CLCN5: variants seen among roughly 807,000 people sequenced by gnomAD.
The protein encoded by CLCN5 is Cl-/H+ antiporter 5, also known as H(+)/Cl(-) exchange transporter 5.
A neutral mutation model predicts 54.0 loss-of-function variants in CLCN5; 17 were observed. The ratio of observed to expected loss-of-function variants is 0.31; its 90% CI spans 0.22 to 0.47. The LOEUF is 0.47. Among genes scored for constraint, CLCN5 ranks in the 20% least tolerant of loss-of-function variants. The probability of loss-of-function intolerance (pLI) is 1.00; values close to 1 mark genes in which losing one functional copy is unlikely to be tolerated. For synonymous variants in CLCN5, 222 were observed against 233.0 expected (o/e 0.95, Z 0.43); for missense variants, 448 against 646.7 (o/e 0.69, Z 3.33).
intron 3 of CLCN5, among the ~76,000 whole-genome samples, chrX:50,030,161 A>G (rs1401248351): frequency 4.5e-5 from 5 of 112,288 alleles, no homozygotes; most frequent in African/African-American, 9.7e-5. Flanking sequence ...CTTTAGATTA[A>G]TATATAGATG....
At chrX:49,971,510 G>T (rs183327193) in intron 3 of CLCN5, among the ~76,000 whole-genome samples, 1 of 110,231 alleles carries the variant, frequency 9.1e-6, no homozygotes, top group Admixed American at 9.9e-5. Context: ...TTCAGAGACG[G>T]TCTTTAATCA....
chrX:50,060,738 T>C (rs1458270211), intron 4 of CLCN5, among the ~76,000 whole-genome samples: 1 of 111,393 alleles, frequency 9.0e-6, no homozygotes. Context: ...CAGTAACCTC[T>C]GCAGACTTAA....
At chrX:49,932,624 T>A (rs1925720149) in intron 3 of CLCN5, among the ~76,000 whole-genome samples, 1 of 111,043 alleles carries the variant, frequency 9.0e-6, no homozygotes, top group South Asian at 3.8e-4. Context: ...TTAGAACAGG[T>A]TTTTTGCTAT....
chrX:49,998,905 C>G (rs955555726), intron 3 of CLCN5, among the ~76,000 whole-genome samples: 30 of 111,580 alleles, frequency 2.7e-4, no homozygotes, highest in Admixed American at 9.5e-5. Context: ...TGTTCACCCT[C>G]CCATTTGCCT....
At chrX:50,027,332 C>T (rs1261947348) in intron 3 of CLCN5, among the ~76,000 whole-genome samples, 4 of 111,645 alleles carry the variant, frequency 3.6e-5, no homozygotes, top group Non-Finnish European at 7.5e-5. Flanking sequence ...GTATTTCTTT[C>T]TTCTCCTTCT....
At chrX:50,002,393 A>G (rs782629432) in intron 3 of CLCN5, among the ~76,000 whole-genome samples, 16 of 112,040 alleles carry the variant, frequency 1.4e-4, no homozygotes, top group South Asian at 3.8e-4. Flanking sequence ...TCCCAATTGC[A>G]TATGCCAAGG....
At chrX:49,944,784 T>A (rs375836176) in intron 3 of CLCN5, among the ~76,000 whole-genome samples, 3 of 111,809 alleles carry the variant, frequency 2.7e-5, no homozygotes, top group Non-Finnish European at 5.6e-5. Flanking sequence ...AGCTTTTTGA[T>A]GTGCTGCTGG....
chrX:50,065,876 AT>A (rs1473454863), intron 4 of CLCN5, among the ~76,000 whole-genome samples: 3 of 100,658 alleles, frequency 3.0e-5, no homozygotes, highest in African/African-American at 1.1e-4. Context: ...CATGGATGAA[AT>A]TGGAAACCAT....
intron 3 of CLCN5, among the ~76,000 whole-genome samples, chrX:50,019,351 C>T (rs1930950239): frequency 9.2e-6 from 1 of 108,767 alleles, no homozygotes; most frequent in African/African-American, 3.3e-5. Context: ...TTGTGGGGTA[C>T]ACAGTGACAT....
intron 3 of CLCN5, among the ~76,000 whole-genome samples, chrX:50,019,540 A>T (rs1930983942): frequency 5.3e-5 from 3 of 56,559 alleles, no homozygotes; most frequent in Non-Finnish European, 9.2e-5. Context: ...GGTTAGTTAC[A>T]TATGTATACA....
intron 4 of CLCN5, among the ~76,000 whole-genome samples, chrX:50,057,035 G>T (rs1557189051): frequency 9.0e-6 from 1 of 111,245 alleles, no homozygotes; most frequent in African/African-American, 3.3e-5. Flanking sequence ...CTGTGAACAG[G>T]AACCAAAGCA....
At chrX:50,048,396 A>G (rs781963877) in intron 4 of CLCN5, among the ~76,000 whole-genome samples, 1 of 112,873 alleles carries the variant, frequency 8.9e-6, no homozygotes, top group South Asian at 3.7e-4. Context: ...CACACGTAGG[A>G]CTAGGAAGTT....
intron 3 of CLCN5, among the ~76,000 whole-genome samples, chrX:50,012,509 G>A (rs1930557299): frequency 1.8e-5 from 2 of 112,264 alleles, no homozygotes; most frequent in Non-Finnish European, 3.8e-5. Flanking sequence ...GAAGATGCTC[G>A]AGCCTTCTAT....
At chrX:50,066,018 G>C (rs1445525852) in intron 4 of CLCN5, among the ~76,000 whole-genome samples, 2 of 87,904 alleles carry the variant, frequency 2.3e-5, no homozygotes, top group African/African-American at 8.7e-5. Context: ...GTGGTGGGGA[G>C]GGGGGAGGGG....
At chrX:50,074,313 C>T (rs1212281973) in intron 6 of CLCN5, among the ~76,000 whole-genome samples, 2 of 111,335 alleles carry the variant, frequency 1.8e-5, no homozygotes, top group Non-Finnish European at 3.8e-5. Context: ...CAAGGGACAG[C>T]ATTTTATTCT....
intron 3 of CLCN5, among the ~76,000 whole-genome samples, chrX:49,971,582 C>A (rs1557176224): frequency 9.0e-6 from 1 of 111,192 alleles, no homozygotes; most frequent in Admixed American, 9.7e-5. Flanking sequence ...AAGGATATTG[C>A]AGCCTCTGCC....
At chrX:50,083,360 A>C (rs1396674774) in intron 9 of CLCN5, among the ~76,000 whole-genome samples, 3 of 111,715 alleles carry the variant, frequency 2.7e-5, no homozygotes, top group African/African-American at 6.5e-5. Context: ...TAGATTGTTT[A>C]ACTACCTGTC....
intron 3 of CLCN5, among the ~76,000 whole-genome samples, chrX:50,025,789 G>C (rs781932881): frequency 4.3e-4 from 48 of 110,952 alleles, no homozygotes; most frequent in African/African-American, 1.5e-3. Flanking sequence ...ACTTAACCGG[G>C]CTAGAGGTTT....
chrX:49,976,704 C>G (rs1452398580), intron 3 of CLCN5, among the ~76,000 whole-genome samples: 4 of 112,323 alleles, frequency 3.6e-5, no homozygotes, highest in African/African-American at 1.3e-4. Context: ...TTCTTCCAGG[C>G]TTTGTCTATG....
Sources: allele counts gnomAD v4.1 joint callset (sites outside exome capture counted in the v4.1 genomes callset), GRCh38; gene constraint gnomAD v4.1.1; transcripts MANE v1.5; gene names NCBI Gene and HGNC (gene_info 2026-07-23, HGNC 2026-07-21).